The following MAGED1 variants were observed in gnomAD, a reference collection of about 807,000 sequenced individuals.
The protein encoded by MAGED1 is melanoma-associated antigen D1.
A neutral mutation model predicts 54.1 loss-of-function variants in MAGED1; 3 were observed. That is an observed-to-expected ratio of 0.06 (90% confidence interval 0.03 to 0.14). The LOEUF (loss-of-function observed/expected upper bound fraction) is 0.14, where lower values mean the gene tolerates loss of function less well. Ranked by LOEUF, MAGED1 falls within the 10% of genes least tolerant of loss-of-function variation. The pLI is 1.00. For synonymous variants in MAGED1, 217 were observed against 227.3 expected, an observed-to-expected ratio of 0.95 and a Z score of 0.41; for missense variants, 485 against 623.4, an observed-to-expected ratio of 0.78 and a Z score of 2.36.
At chrX:51,866,285 G>A (rs782487457) in intron 1 of MAGED1, among the ~76,000 whole-genome samples, 1 of 111,800 alleles carries the variant, frequency 8.9e-6, no homozygotes, top group East Asian at 2.8e-4. Flanking sequence ...TGATCACTTT[G>A]TGGGCCTTGA....
chrX:51,816,876 T>C (rs1925451074), intron 1 of MAGED1, among the ~76,000 whole-genome samples: 1 of 111,894 alleles, frequency 8.9e-6, no homozygotes, highest in Non-Finnish European at 1.9e-5. Flanking sequence ...GGTGTTGAAA[T>C]GCAGTGGGTG....
chrX:51,868,319 G>A (rs1274266750), intron 1 of MAGED1, among the ~76,000 whole-genome samples: 1 of 111,062 alleles, frequency 9.0e-6, no homozygotes, highest in Non-Finnish European at 1.9e-5. Context: ...TAGGAGTGGG[G>A]GACAAGAAGG....
chrX:51,849,730 G>T (rs782281676), intron 1 of MAGED1, among the ~76,000 whole-genome samples: 2 of 110,563 alleles, frequency 1.8e-5, no homozygotes, highest in Non-Finnish European at 3.8e-5. Context: ...CCAATTATTT[G>T]TTTATATATT....
At position 51,827,650 on chromosome X, in the gene MAGED1, G is replaced by A. The variant is rs369002271; in HGVS notation, c.-37+24533G>A. Among the ~76,000 whole-genome samples, 30 of 111,676 alleles carry A rather than the reference G, an allele frequency of 2.7e-4. No homozygotes were observed. The East Asian group carries it at 3.1e-3, about 11-fold the overall frequency. The stretch of plus-strand genomic sequence containing the variant: ...GGTTGTGCATATACGGGAGCAGAGA[G>A]TATGTGAGGAATCTCTACCTTGGAC... On this transcript the variant is annotated intron_variant, in intron 1 of 12. Coordinates refer to the MAGED1 transcript ENST00000375772.
At chrX:51,845,013 C>T (rs1926631398) in intron 1 of MAGED1, among the ~76,000 whole-genome samples, 1 of 111,354 alleles carries the variant, frequency 9.0e-6, no homozygotes, top group African/African-American at 3.3e-5. Flanking sequence ...GCAGGAGGAA[C>T]ACGAGGTCAA....
intron 1 of MAGED1, among the ~76,000 whole-genome samples, chrX:51,818,427 C>T (rs782295091): frequency 9.0e-6 from 1 of 111,309 alleles, no homozygotes; most frequent in Admixed American, 9.5e-5. Context: ...GAAGGGGTAG[C>T]CTCCCGTCTT....
At chrX:51,821,266 A>G (rs1557356510) in intron 1 of MAGED1, among the ~76,000 whole-genome samples, 1 of 111,361 alleles carries the variant, frequency 9.0e-6, no homozygotes, top group Admixed American at 9.6e-5. Flanking sequence ...AGTGCCTTTC[A>G]TTGTGTTTTC....
Position 51,894,276 on chromosome X carries a change from G to C in MAGED1, c.-29G>C. On this transcript the variant is annotated 5_prime_UTR_variant, in exon 2 of 13. Transcript: ENST00000326587. ...CCTGCCCCTCTCCCACAGCCCCCAGGCTCCGCTCTTGCCAGAGGGACAGGA... is the reference window on the plus strand; with the variant it reads ...CCTGCCCCTCTCCCACAGCCCCCAGCCTCCGCTCTTGCCAGAGGGACAGGA... The C allele has an allele frequency of 8.5e-7, 1 of 1,176,624 alleles. No individual in the cohort carries two copies. The highest frequency in any genetic ancestry group is 1.1e-6 in the Non-Finnish European group (1 of 872,745).
chrX:51,854,797 G>A (rs1403667879), intron 1 of MAGED1, among the ~76,000 whole-genome samples: 1 of 110,924 alleles, frequency 9.0e-6, no homozygotes, highest in Non-Finnish European at 1.9e-5. Flanking sequence ...AGACCAGGCA[G>A]GAGAGTTCAT....
At chrX:51,896,085 T>C in intron 3 of MAGED1, 1 of 377,301 alleles carries the variant, frequency 2.7e-6, no homozygotes, top group Non-Finnish European at 4.5e-6. Context: ...GTAGGGATCA[T>C]AGTGCCAATT....
chrX:51,834,361 G>T (rs1406755580), intron 1 of MAGED1, among the ~76,000 whole-genome samples: 5 of 111,473 alleles, frequency 4.5e-5, no homozygotes, highest in African/African-American at 1.6e-4. Context: ...TTCTGTCCTT[G>T]CTCTATCAAG....
intron 9 of MAGED1, 109 bp from the exon 10 acceptor site, chrX:51,898,472 A>G (rs1283367858): frequency 2.0e-6 from 2 of 979,227 alleles, no homozygotes; most frequent in Admixed American, 5.5e-5. Flanking sequence ...GTGGATGGGG[A>G]AACAGTTCTG....
At chrX:51,838,809 C>T (rs1173367484) in intron 1 of MAGED1, among the ~76,000 whole-genome samples, 1 of 111,354 alleles carries the variant, frequency 9.0e-6, no homozygotes, top group Non-Finnish European at 1.9e-5. Flanking sequence ...CTCACACAGA[C>T]GATAAAGCTG....
In MAGED1 at chrX:51,867,671, G is replaced by T. The variant is rs375280785; in HGVS notation, c.-36-26598G>T. ...CAGACACACCCAGGATCAATACTTT[G>T]TATCCTTCAATTCAATCAAGTTGAT... On this transcript the variant is annotated intron_variant, in intron 1 of 12. Transcript: ENST00000375772. Among the ~76,000 whole-genome samples the T allele has an allele frequency of 5.4e-5, 6 of 111,946 alleles. No individual in the cohort carries two copies. In the East Asian group the frequency reaches 1.4e-3, roughly 26 times the overall value.
intron 1 of MAGED1, among the ~76,000 whole-genome samples, chrX:51,873,657 T>G (rs1927773272): frequency 9.1e-6 from 1 of 109,965 alleles, no homozygotes; most frequent in African/African-American, 3.3e-5. Flanking sequence ...TTAAAATAAT[T>G]AGGGGATATC....
Position 51,859,431 on chromosome X carries a change from A to G in MAGED1, c.-36-34838A>G, listed in dbSNP as rs782785363. Among the ~76,000 whole-genome samples, 16 of 111,057 alleles carry G rather than the reference A, an allele frequency of 1.4e-4. No individual in the cohort carries two copies. In the South Asian group the frequency reaches 5.8e-3, roughly 40 times the overall value. On this transcript the variant is annotated intron_variant, in intron 1 of 12. Coordinates refer to the MAGED1 transcript ENST00000375772. ...ATTGTAAAATAATACCTCTTCCTCA[A>G]AAGACTTTCTTACCACTTGCTAGAA...
chrX:51,853,311 A>G lies in MAGED1; in HGVS notation c.-36-40958A>G, dbSNP rs191602222. 1.8e-3 allele frequency among the ~76,000 whole-genome samples: 197 copies of G among 111,920 alleles called. 1 individual carries two copies. The highest frequency in any genetic ancestry group is 6.3e-3 in the African/African-American group (194 of 30,747). On this transcript the variant is annotated intron_variant, in intron 1 of 12. Transcript: ENST00000375772. ...TTTGTGTTTGATAATCCTATTGTTT[A>G]AAGTCTTTTTGTGAACATTTCTGTT...
intron 1 of MAGED1, among the ~76,000 whole-genome samples, chrX:51,856,499 C>T (rs1927090803): frequency 8.9e-6 from 1 of 112,046 alleles, no homozygotes; most frequent in South Asian, 3.7e-4. Flanking sequence ...TGGAATATTT[C>T]ATGTATTTAT....
At chrX:51,862,988 T>A (rs782002873) in intron 1 of MAGED1, among the ~76,000 whole-genome samples, 104 of 111,919 alleles carry the variant, frequency 9.3e-4, no homozygotes, top group African/African-American at 3.3e-3. Context: ...ATACTTAAGA[T>A]CTACTCTCTT....
Sources: allele counts gnomAD v4.1 joint callset (sites outside exome capture counted in the v4.1 genomes callset), GRCh38; gene constraint gnomAD v4.1.1; transcripts MANE v1.5; gene names NCBI Gene and HGNC (gene_info 2026-07-23, HGNC 2026-07-21).